The following GRTP1 variants were observed in gnomAD, a reference collection of about 807,000 sequenced individuals.
The protein encoded by GRTP1 is growth hormone regulated TBC protein 1, also known as growth hormone-regulated TBC protein 1.
A neutral mutation model predicts 38.1 loss-of-function variants in GRTP1; 56 were observed. The observed-to-expected ratio is 1.47, with a 90% CI of 1.19 to 1.84. The LOEUF (loss-of-function observed/expected upper bound fraction) is 1.84, where lower values mean the gene tolerates loss of function less well. GRTP1 is among the 40% of genes most tolerant of loss of function. The pLI, the probability that GRTP1 is intolerant of heterozygous loss-of-function variation, is 0.00. For synonymous variants in GRTP1, 217 were observed against 189.5 expected (o/e 1.14, Z -1.19); for missense variants, 506 against 453.9 (o/e 1.11, Z -1.04).
At chr13:113,355,120 G>C in intron 3 of GRTP1, 1 of 548,014 alleles carries the variant, frequency 1.8e-6, no homozygotes, top group Non-Finnish European at 3.2e-6. Flanking sequence ...CTAGGCACGT[G>C]AATATCTGCT....
chr13:113,331,680 G>C (rs1174294768), intron 5 of GRTP1, among the ~76,000 whole-genome samples: 1 of 122,958 alleles, frequency 8.1e-6, no homozygotes, highest in Non-Finnish European at 1.6e-5. Flanking sequence ...TTTTTAGACA[G>C]AGTCTCACTC....
intron 4 of GRTP1, among the ~76,000 whole-genome samples, chr13:113,345,868 G>C (rs1433877468): frequency 6.6e-6 from 1 of 152,212 alleles, no homozygotes; most frequent in African/African-American, 2.4e-5. Flanking sequence ...GTGCAGAGAA[G>C]ATCATGTTCC....
At chr13:113,344,776 T>A in intron 5 of GRTP1, 87 bp downstream of exon 5, 1 of 1,211,978 alleles carries the variant, frequency 8.3e-7, no homozygotes, top group Non-Finnish European at 1.1e-6. Flanking sequence ...AACCATGTTT[T>A]AATTAAATTT....
intron 2 of GRTP1, among the ~76,000 whole-genome samples, chr13:113,356,169 G>A (rs34025513): frequency 0.04 from 6,018 of 152,246 alleles, 163 homozygotes; most frequent in Non-Finnish European, 0.06. Context: ...CCAAAGCTGC[G>A]ACACTGTGCT....
chr13:113,351,360 G>A (rs1284143178), intron 3 of GRTP1, among the ~76,000 whole-genome samples: 2 of 152,252 alleles, frequency 1.3e-5, no homozygotes, highest in Non-Finnish European at 2.9e-5. Context: ...GGTGACAGGT[G>A]GAGAGAAATG....
chr13:113,326,166 A>T, intron 5 of GRTP1, 75 bp from the exon 6 acceptor site: 1 of 1,558,598 alleles, frequency 6.4e-7, no homozygotes, highest in Non-Finnish European at 8.7e-7. Context: ...TCAGAGCCAG[A>T]CAAAGACAAC....
Position 113,324,827 on chromosome 13 carries a change from G to C in GRTP1, c.922-250C>G, listed in dbSNP as rs974267887. 4 of 1,196,956 alleles carry C rather than the reference G, an allele frequency of 3.3e-6. No individual in the cohort carries two copies. In the Admixed American group the frequency reaches 1.3e-4, roughly 40 times the overall value. 74.1% of individuals were successfully genotyped at this position (1,196,956 alleles called of 1,614,324 possible). A position where few individuals can be genotyped will look rare whatever the true frequency, so the allele number is the denominator to read the frequency against. ...AAGAAAAGGCCATCTGCTTCCATTA[G>C]ACTTTTTTTTTTTTTTTGAGACAGA... is the stretch of plus-strand genomic sequence containing the variant. On this transcript the variant is annotated intron_variant, in intron 7 of 7. Transcript: ENST00000375431.
Position 113,344,582 on chromosome 13 carries a change from A to T in GRTP1, c.562+281T>A, listed in dbSNP as rs1249634279. On this transcript the variant is annotated intron_variant, in intron 5 of 7. Transcript: ENST00000375431. ...TACAAAATTAGCCGGGTGTGGTGGC[A>T]CACACCTACAATCCCAGCTACTTGG... Among the ~76,000 whole-genome samples the T allele has an allele frequency of 7.9e-5, 12 of 152,006 alleles. No individual in the cohort carries two copies. The East Asian group carries it at 2.3e-3, about 29-fold the overall frequency.
intron 4 of GRTP1, among the ~76,000 whole-genome samples, chr13:113,346,155 TCTGTGCCTGACAGTGGACCC>T (rs1566429341): frequency 1.4e-5 from 2 of 144,824 alleles, no homozygotes; most frequent in African/African-American, 2.6e-5. Flanking sequence ...CGGGAGGACC[TCTGTGCCTGACAGTGGACCC>T]GGGAGGACCT....
intron 4 of GRTP1, among the ~76,000 whole-genome samples, chr13:113,345,509 G>A (rs971720510): frequency 3.3e-5 from 5 of 152,250 alleles, no homozygotes; most frequent in East Asian, 1.9e-4. Flanking sequence ...TGGGGGCTTC[G>A]CAGCCGTGAG....
chr13:113,335,690 G>A (rs554386066), intron 5 of GRTP1, among the ~76,000 whole-genome samples: 332 of 151,962 alleles, frequency 2.2e-3, no homozygotes, highest in African/African-American at 7.5e-3. Context: ...TTTATTTAGC[G>A]CCCACATGTG....
intron 4 of GRTP1, among the ~76,000 whole-genome samples, chr13:113,346,083 C>T (rs1360191884): frequency 0.05 from 347 of 6,956 alleles, 19 homozygotes; most frequent in Non-Finnish European, 0.073. Context: ...GCTGAGCAGA[C>T]CTGGGAAGAC....
intron 5 of GRTP1, among the ~76,000 whole-genome samples, chr13:113,329,407 A>G (rs986624533): frequency 6.6e-6 from 1 of 152,042 alleles, no homozygotes; most frequent in Non-Finnish European, 1.5e-5. Flanking sequence ...GTGAAAACCC[A>G]TCTCTACTAA....
At chr13:113,333,010 CG>C (rs1431542906) in intron 5 of GRTP1, among the ~76,000 whole-genome samples, 1 of 152,170 alleles carries the variant, frequency 6.6e-6, no homozygotes, top group African/African-American at 2.4e-5. Flanking sequence ...ATTTTGAGGG[CG>C]GGGACATAAA....
chr13:113,332,448 G>GCACACA (rs2042891682), intron 5 of GRTP1, among the ~76,000 whole-genome samples: 3 of 127,472 alleles, frequency 2.4e-5, no homozygotes, highest in African/African-American at 9.1e-5. Flanking sequence ...ACGTGCACAC[G>GCACACA]CACACCTGCC....
chr13:113,331,343 A>C (rs2139408724), intron 5 of GRTP1, among the ~76,000 whole-genome samples: 1 of 152,270 alleles, frequency 6.6e-6, no homozygotes, highest in South Asian at 2.1e-4. Context: ...GGCGGCTGCT[A>C]CCAGGATGGC....
Position 113,348,438 on chromosome 13 carries a change from G to C in GRTP1, c.465+2411C>G, listed in dbSNP as rs914567386. Among the ~76,000 whole-genome samples, 2 of 152,154 alleles carry C rather than the reference G, an allele frequency of 1.3e-5. No homozygotes were observed. The highest frequency in any genetic ancestry group is 4.8e-5 in the African/African-American group (2 of 41,438). Reference sequence around the variant, plus strand: ...TGCACTCCAGCCTGGGTGACAGAGCGAGACCGTGTGCACTGTGTAACTCTA... The same window carrying C: ...TGCACTCCAGCCTGGGTGACAGAGCCAGACCGTGTGCACTGTGTAACTCTA... On this transcript the variant is annotated intron_variant, in intron 4 of 7. Transcript: ENST00000375431. The surrounding 1 kb of genome is among the most constrained non-coding windows in gnomAD (Gnocchi z 4.8).
rs998814236 is a variant in GRTP1 at position 113,355,875 on chromosome 13, C to T, written c.182-394G>A. Reference sequence around the variant, plus strand: ...CGGCTGGGCTCAGCTGTGAGCACCTCAGGTGGGACGCCACAGCTGGGAGAA... The same window carrying T: ...CGGCTGGGCTCAGCTGTGAGCACCTTAGGTGGGACGCCACAGCTGGGAGAA... On this transcript the variant is annotated intron_variant, in intron 2 of 7. Transcript: ENST00000375431. 8 of 161,378 alleles carry T rather than the reference C, an allele frequency of 5.0e-5. No homozygotes were observed. In the East Asian group the frequency reaches 1.4e-3, roughly 29 times the overall value. The allele number at this position is 161,378 out of a possible 1,614,324, so 10.0% of individuals were successfully genotyped here. A position where few individuals can be genotyped will look rare whatever the true frequency, so the allele number is the denominator to read the frequency against.
Position 113,343,828 on chromosome 13 carries a change from G to A in GRTP1, c.562+1035C>T, listed in dbSNP as rs966470060. On this transcript the variant is annotated intron_variant, in intron 5 of 7. Coordinates refer to ENST00000375431, the MANE Select transcript of GRTP1 (RefSeq NM_024719.4). The surrounding 1 kb of genome is among the most constrained non-coding windows in gnomAD (Gnocchi z 4.8). ...CTCCTCTGCCCTGCAGGATGAGCAC[G>A]CAGCCCCCTTGACCCAGCACCACAG... Among the ~76,000 whole-genome samples, 33 of 152,228 alleles carry A rather than the reference G, an allele frequency of 2.2e-4. No individual in the cohort carries two copies. Among genetic ancestry groups the A allele is most frequent in the African/African-American group, 7.0e-4 (29 of 41,522 alleles).
Sources: allele counts gnomAD v4.1 joint callset (sites outside exome capture counted in the v4.1 genomes callset), GRCh38; gene constraint gnomAD v4.1.1; non-coding constraint Gnocchi (gnomAD v3.1); transcripts MANE v1.5; gene names NCBI Gene and HGNC (gene_info 2026-07-23, HGNC 2026-07-21).